Variants in PHF8 observed in about 807,000 individuals in gnomAD.
PHF8 encodes PHD finger protein 8.
PHF8 carries 9 observed loss-of-function variants against 74.4 expected under a neutral mutation model. The observed-to-expected ratio is 0.12, with a 90% CI of 0.07 to 0.21. The LOEUF (loss-of-function observed/expected upper bound fraction) is 0.21, where lower values mean the gene tolerates loss of function less well. Among genes scored for constraint, PHF8 ranks in the 10% least tolerant of loss-of-function variants. The probability of loss-of-function intolerance (pLI) is 1.00; values close to 1 mark genes in which losing one functional copy is unlikely to be tolerated. For missense variants in PHF8, 478 were observed against 816.6 expected, an observed-to-expected ratio of 0.59 and a Z score of 5.05; for synonymous variants, 311 against 316.6, an observed-to-expected ratio of 0.98 and a Z score of 0.19.
intron 2 of PHF8, among the ~76,000 whole-genome samples, chrX:54,035,866 C>G (rs2066444628): frequency 9.0e-6 from 1 of 110,861 alleles, no homozygotes; most frequent in Admixed American, 9.6e-5. Context: ...AATCCCAGCA[C>G]TTTGGGAGGC....
intron 6 of PHF8, 33 bp from the exon 7 acceptor site, chrX:54,014,596 C>T: frequency 3.8e-6 from 4 of 1,041,936 alleles, no homozygotes; most frequent in Non-Finnish European, 5.4e-6. Context: ...CAGATGTCAG[C>T]TGATTAGGAA....
At chrX:53,970,873 G>A (rs2065281081) in intron 18 of PHF8, among the ~76,000 whole-genome samples, 1 of 111,115 alleles carries the variant, frequency 9.0e-6, no homozygotes, top group African/African-American at 3.3e-5. Flanking sequence ...ACAAAGAAAC[G>A]TAGACTCCCA....
At chrX:53,958,572 G>A (rs1176950008) in intron 19 of PHF8, among the ~76,000 whole-genome samples, 1 of 103,994 alleles carries the variant, frequency 9.6e-6, no homozygotes, top group Non-Finnish European at 2.0e-5. Flanking sequence ...ACGAGGTCAG[G>A]AGATCGAGAC....
chrX:53,992,900 A>T (rs1005219482), intron 13 of PHF8, 61 bp from the exon 14 acceptor site: 21 of 768,615 alleles, frequency 2.7e-5, no homozygotes, highest in Non-Finnish European at 3.8e-5. Context: ...TCACGATGGC[A>T]AGTTCCCTCT....
chrX:53,972,224 G>A (rs2065303028), intron 18 of PHF8, among the ~76,000 whole-genome samples: 2 of 106,106 alleles, frequency 1.9e-5, no homozygotes, highest in Admixed American at 2.1e-4. Context: ...TCGAGAGGCT[G>A]AGGCAGGAGA....
intron 18 of PHF8, among the ~76,000 whole-genome samples, chrX:53,976,383 G>T (rs781969871): frequency 1.2e-4 from 13 of 110,889 alleles, no homozygotes; most frequent in African/African-American, 3.9e-4. Flanking sequence ...TAATCTAAAC[G>T]ATCATCTCTG....
chrX:53,994,044 T>C, intron 12 of PHF8, 141 bp from the exon 13 acceptor site: 1 of 468,465 alleles, frequency 2.1e-6, no homozygotes, highest in Non-Finnish European at 3.8e-6. Context: ...ACCCTAGCTT[T>C]TACATAATGA....
chrX:53,943,288 A>C, intron 20 of PHF8: 1 of 923,499 alleles, frequency 1.1e-6, no homozygotes, highest in Non-Finnish European at 1.5e-6. Flanking sequence ...ATAAGCATTT[A>C]TTTAAATAGA....
chrX:54,040,268 C>A (rs2066529958), intron 2 of PHF8, among the ~76,000 whole-genome samples: 1 of 111,215 alleles, frequency 9.0e-6, no homozygotes, highest in Non-Finnish European at 1.9e-5. Context: ...AGGTCTGAAC[C>A]TACACATTTC....
intron 18 of PHF8, among the ~76,000 whole-genome samples, chrX:53,963,849 G>A (rs944781105): frequency 9.0e-6 from 1 of 111,173 alleles, no homozygotes. Flanking sequence ...GATCTAGAAC[G>A]AGAAATACCA....
At chrX:53,958,806 A>G (rs1458439352) in intron 19 of PHF8, among the ~76,000 whole-genome samples, 3 of 101,894 alleles carry the variant, frequency 2.9e-5, no homozygotes, top group Non-Finnish European at 4.0e-5. Flanking sequence ...AAAAAAGCTG[A>G]TAACACTAGT....
intron 18 of PHF8, among the ~76,000 whole-genome samples, chrX:53,965,347 C>A (rs2065168261): frequency 8.9e-6 from 1 of 112,529 alleles, no homozygotes; most frequent in Non-Finnish European, 1.9e-5. Flanking sequence ...AATCTCACAA[C>A]AACAAGGGGT....
intron 2 of PHF8, among the ~76,000 whole-genome samples, chrX:54,033,319 G>C (rs782007520): frequency 1.8e-5 from 2 of 112,235 alleles, no homozygotes; most frequent in Non-Finnish European, 3.8e-5. Flanking sequence ...CAGATGTTAA[G>C]ACTGAGATGA....
chrX:53,952,137 A>G (rs1252774962), intron 19 of PHF8, among the ~76,000 whole-genome samples: 6 of 109,933 alleles, frequency 5.5e-5, no homozygotes, highest in African/African-American at 2.0e-4. Context: ...ACAAAAAATT[A>G]GCCAGGCGTG....
chrX:53,947,804 T>C (rs1005281293), intron 19 of PHF8, among the ~76,000 whole-genome samples: 2 of 112,509 alleles, frequency 1.8e-5, no homozygotes, highest in Admixed American at 9.4e-5. Context: ...TGAACCGCCA[T>C]GTAAAAAGTT....
chrX:54,002,063 A>G (rs2065835917), intron 10 of PHF8, 92 bp downstream of exon 10: 1 of 544,283 alleles, frequency 1.8e-6, no homozygotes. Context: ...ATGAAATAGT[A>G]TCATGTCTTG....
intron 18 of PHF8, among the ~76,000 whole-genome samples, chrX:53,980,031 G>T (rs1330989561): frequency 9.0e-6 from 1 of 111,423 alleles, no homozygotes; most frequent in East Asian, 2.8e-4. Context: ...AACTCTATGA[G>T]AGTAGTCTAA....
intron 8 of PHF8, among the ~76,000 whole-genome samples, chrX:54,008,368 C>T (rs1270304368): frequency 3.2e-5 from 2 of 63,305 alleles, no homozygotes; most frequent in African/African-American, 1.3e-4. Context: ...AGCAATACTC[C>T]GTCAAAAAAA....
At chrX:54,034,012 A>T (rs988878850) in intron 2 of PHF8, among the ~76,000 whole-genome samples, 1 of 112,568 alleles carries the variant, frequency 8.9e-6, no homozygotes, top group Non-Finnish European at 1.9e-5. Context: ...CAGAATTTTT[A>T]GAACTGAAAA....
Sources: allele counts gnomAD v4.1 joint callset (sites outside exome capture counted in the v4.1 genomes callset), GRCh38; gene constraint gnomAD v4.1.1; transcripts MANE v1.5; gene names NCBI Gene and HGNC (gene_info 2026-07-23, HGNC 2026-07-21).